The following EIF2AK1 variants were observed in gnomAD, a reference collection of about 807,000 sequenced individuals.
EIF2AK1 encodes the protein eukaryotic translation initiation factor 2 alpha kinase 1, also known as eukaryotic translation initiation factor 2-alpha kinase 1.
EIF2AK1 carries 54 observed loss-of-function variants against 77.9 expected under a neutral mutation model. That is an observed-to-expected ratio of 0.69 (90% CI 0.56 to 0.87). The LOEUF (loss-of-function observed/expected upper bound fraction) is 0.87, where lower values mean the gene tolerates loss of function less well. EIF2AK1 is among the 40% of genes least tolerant of loss of function. The probability of loss-of-function intolerance (pLI) is 0.00; values close to 1 mark genes in which losing one functional copy is unlikely to be tolerated. For synonymous variants in EIF2AK1, 314 were observed against 290.5 expected (o/e 1.08, Z -0.82); for missense variants, 810 against 768.6 (o/e 1.05, Z -0.64).
At chr7:6,044,415 G>A in intron 7 of EIF2AK1, 147 bp downstream of exon 7, 2 of 615,246 alleles carry the variant, frequency 3.3e-6, no homozygotes, top group South Asian at 2.2e-5. Flanking sequence ...AGCAGCCTGG[G>A]CGACAGAGTG....
At chr7:6,055,981 T>TAA (rs1788745460) in intron 1 of EIF2AK1, among the ~76,000 whole-genome samples, 1 of 15,126 alleles carries the variant, frequency 6.6e-5, no homozygotes, top group African/African-American at 3.2e-4. Flanking sequence ...AAACTCTGTC[T>TAA]CAAAAAAAAA....
At position 6,054,604 on chromosome 7, in the gene EIF2AK1, C is replaced by T. The variant is rs781486458; in HGVS notation, c.219G>A (p.Leu73=). The T allele has an allele frequency of 6.2e-7, 1 of 1,614,018 alleles. No homozygotes were observed. The highest frequency in any genetic ancestry group is 1.3e-5 in the African/African-American group (1 of 74,910). The part of the protein sequence containing the change: ...VANQLLLVSL[L]EHLSHVHEPN... ...GTTCATGCACGTGGCTCAAGTGCTC[C>T]AGCAAAGAAACCAGCAAGAGTTGGT... Residue 73 remains leucine (L), a synonymous_variant, in exon 2 of 15, where the codon CTG becomes CTA. Transcript: ENST00000199389.
chr7:6,031,293 C>A (rs1433901499), intron 11 of EIF2AK1: 1 of 1,309,684 alleles, frequency 7.6e-7, no homozygotes, highest in Non-Finnish European at 1.1e-6. Flanking sequence ...AGTTCTAGAA[C>A]TGAACTGAAA....
intron 7 of EIF2AK1, 58 bp downstream of exon 7, chr7:6,044,504 G>C: frequency 7.1e-7 from 1 of 1,412,912 alleles, no homozygotes. Context: ...GGCCAGATTT[G>C]GTGCACGGGC....
At chr7:6,056,613 A>AAAATATAT in intron 1 of EIF2AK1, among the ~76,000 whole-genome samples, 1 of 43,738 alleles carries the variant, frequency 2.3e-5, no homozygotes, top group Non-Finnish European at 4.7e-5. Context: ...AAAAAAAAAA[A>AAAATATAT]ATATATATAT....
chr7:6,040,769 G>A, intron 9 of EIF2AK1, 123 bp downstream of exon 9: 1 of 797,862 alleles, frequency 1.3e-6, no homozygotes, highest in African/African-American at 1.7e-5. Context: ...AGGGGAACAT[G>A]GCCAGTACAA....
At chr7:6,058,235 C>T (rs1394714278) in intron 1 of EIF2AK1, 2 of 439,122 alleles carry the variant, frequency 4.6e-6, no homozygotes, top group Non-Finnish European at 9.0e-6. Context: ...CACAGCAAGA[C>T]CACATCTCTG....
At position 6,026,801 on chromosome 7, in the gene EIF2AK1, G is replaced by A. The variant is rs1247347661; in HGVS notation, c.1691C>T (p.Thr564Met). The change falls in exon 14 of 15, where the codon ACG becomes ATG. Residue 564 changes from threonine (T) to methionine (M), a missense_variant. Around this residue, in one of 3 missense-constraint regions of EIF2AK1, gnomAD observed 549 missense variants for 533.7 expected, o/e 1.03. Transcript: ENST00000199389. Reference protein sequence around the residue: ...PVQAKYIQHLTRRNSSQRPSA... With the variant: ...PVQAKYIQHLMRRNSSQRPSA... ...TGGTCTCTGCGATGAGTTCCTTCTC[G>A]TTAAGTGCTGGATATACTTGGCTTG... 2.5e-6 allele frequency: 4 copies of A among 1,614,184 alleles called. No homozygotes were observed. Among genetic ancestry groups the A allele is most frequent in the Admixed American group, 1.7e-5 (1 of 60,008 alleles).
In EIF2AK1 at chr7:6,040,803, G is replaced by A. The variant is rs573192461; in HGVS notation, c.1119+89C>T. On this transcript the variant is annotated intron_variant, in intron 9 of 14. Coordinates refer to ENST00000199389, the MANE Select transcript of EIF2AK1 (RefSeq NM_014413.4). ...AAGAGACTGAACGCAGGGCAGAAGCGCCAGAGCTGAGAGAGGGCGAGAGAA... is the reference window on the plus strand; with the variant it reads ...AAGAGACTGAACGCAGGGCAGAAGCACCAGAGCTGAGAGAGGGCGAGAGAA... The A allele has an allele frequency of 1.2e-5, 13 of 1,104,692 alleles. No homozygotes were observed. The Admixed American group carries it at 2.1e-4, about 18-fold the overall frequency. 68.4% of individuals were successfully genotyped at this position (1,104,692 alleles called of 1,614,324 possible). A position where few individuals can be genotyped will look rare whatever the true frequency, so the allele number is the denominator to read the frequency against.
chr7:6,023,898 C>A lies in EIF2AK1; in HGVS notation c.*775G>T. ...CCATCTACCGTGATGACTGCCAACT[C>A]CATGGCAGACCCTTTCTGGGATTCA... On this transcript the variant is annotated 3_prime_UTR_variant, in exon 15 of 15. Transcript: ENST00000199389. 6.6e-7 allele frequency: 1 copy of A among 1,506,524 alleles called. No individual in the cohort carries two copies. The highest frequency in any genetic ancestry group is 8.9e-7 in the Non-Finnish European group (1 of 1,125,406). 93.3% of individuals were successfully genotyped at this position (1,506,524 alleles called of 1,614,324 possible). A position where few individuals can be genotyped will look rare whatever the true frequency, so the allele number is the denominator to read the frequency against.
chr7:6,041,315 G>T, intron 8 of EIF2AK1, 96 bp from the exon 9 acceptor site: 2 of 1,276,346 alleles, frequency 1.6e-6, no homozygotes, highest in South Asian at 1.5e-5. Flanking sequence ...GAGGCGGGCA[G>T]ATCACTTAAG....
chr7:6,035,863 C>G lies in EIF2AK1; in HGVS notation c.1332+1561G>C, dbSNP rs1056094282. Reference sequence around the variant, plus strand: ...ACGCCCCTGAAGCTTGCAGTGTGCACTGCATCAAGCAAAGCAGGCCGACTC... The same window carrying G: ...ACGCCCCTGAAGCTTGCAGTGTGCAGTGCATCAAGCAAAGCAGGCCGACTC... On this transcript the variant is annotated intron_variant, in intron 11 of 14. Coordinates refer to ENST00000199389, the MANE Select transcript of EIF2AK1 (RefSeq NM_014413.4). The surrounding 1 kb of genome is among the most constrained non-coding windows in gnomAD (Gnocchi z 5.5). 5 of 1,547,606 alleles carry G rather than the reference C, an allele frequency of 3.2e-6. No homozygotes were observed. The African/African-American group carries it at 5.5e-5, about 17-fold the overall frequency.
chr7:6,044,083 A>G (rs374565700), intron 7 of EIF2AK1, among the ~76,000 whole-genome samples: 3 of 152,002 alleles, frequency 2.0e-5, no homozygotes, highest in Non-Finnish European at 1.5e-5. Context: ...TGGGTGACAG[A>G]GCGAGACTCT....
At chr7:6,031,586 A>G in intron 11 of EIF2AK1, 2 of 1,550,738 alleles carry the variant, frequency 1.3e-6, no homozygotes, top group Non-Finnish European at 1.7e-6. Flanking sequence ...ATTACTTCTG[A>G]CCCAGGTACC....
In EIF2AK1 at chr7:6,035,565, A is replaced by G. The variant is rs1788053730; in HGVS notation, c.1332+1859T>C. The G allele has an allele frequency of 1.3e-6, 2 of 1,551,110 alleles. No individual in the cohort carries two copies. Among genetic ancestry groups the G allele is most frequent in the African/African-American group, 1.4e-5 (1 of 73,028 alleles). On this transcript the variant is annotated intron_variant, in intron 11 of 14. Transcript: ENST00000199389. The surrounding 1 kb of genome is among the most constrained non-coding windows in gnomAD (Gnocchi z 5.5). ...CCTGACAGACATTCAGAATAGCAGC[A>G]TCACATGTCTCCGCATCTTGTGTGC... is the stretch of plus-strand genomic sequence containing the variant.
Position 6,036,405 on chromosome 7 carries a change from C to G in EIF2AK1, c.1332+1019G>C. 6.9e-7 allele frequency: 1 copy of G among 1,440,702 alleles called. No individual in the cohort carries two copies. Among genetic ancestry groups the G allele is most frequent in the Non-Finnish European group, 9.1e-7 (1 of 1,098,028 alleles). The allele number at this position is 1,440,702 out of a possible 1,614,324, so 89.2% of individuals were successfully genotyped here. ...CTCTTGAAATAAGACCTCCCAGTTT[C>G]ACAGCAGAGGGACTTTCAGCCACTC... is the stretch of plus-strand genomic sequence containing the variant. On this transcript the variant is annotated intron_variant, in intron 11 of 14. Coordinates refer to ENST00000199389, the MANE Select transcript of EIF2AK1 (RefSeq NM_014413.4). This position sits in a 1 kb window ranked among gnomAD's most constrained non-coding sequence, Gnocchi z 4.6.
chr7:6,037,953 A>G (rs1562748296), intron 10 of EIF2AK1, among the ~76,000 whole-genome samples: 1 of 152,150 alleles, frequency 6.6e-6, no homozygotes, highest in African/African-American at 2.4e-5. Context: ...AAATAATGGA[A>G]TAAGAAAAAA....
intron 6 of EIF2AK1, among the ~76,000 whole-genome samples, chr7:6,045,081 G>A (rs1325783555): frequency 6.7e-6 from 1 of 149,728 alleles, no homozygotes; most frequent in East Asian, 2.0e-4. Flanking sequence ...TCTGTACAAG[G>A]CATCTACACT....
intron 6 of EIF2AK1, among the ~76,000 whole-genome samples, 196 bp downstream of exon 6, chr7:6,045,875 G>C (rs1159198723): frequency 6.6e-6 from 1 of 151,396 alleles, no homozygotes; most frequent in East Asian, 1.9e-4. Context: ...CTCCAACCTG[G>C]CCAAAAGAGT....
Sources: allele counts gnomAD v4.1 joint callset (sites outside exome capture counted in the v4.1 genomes callset), GRCh38; gene constraint gnomAD v4.1.1; regional missense constraint gnomAD v4.1.1; non-coding constraint Gnocchi (gnomAD v3.1); transcripts MANE v1.5; gene names NCBI Gene and HGNC (gene_info 2026-07-23, HGNC 2026-07-21).